Variants in HPSE2 observed in about 807,000 individuals in gnomAD.
HPSE2 encodes the protein inactive heparanase-2.
In HPSE2, 38 loss-of-function variants were observed where a neutral mutation model predicts 60.5. The ratio of observed to expected loss-of-function variants is 0.63; its 90% CI spans 0.48 to 0.82. The LOEUF is 0.82. Among genes scored for constraint, HPSE2 ranks in the 40% least tolerant of loss-of-function variants. The pLI is 0.00. For synonymous variants in HPSE2, 295 were observed against 293.2 expected, an observed-to-expected ratio of 1.01 and a Z score of -0.06; for missense variants, 713 against 740.4, an observed-to-expected ratio of 0.96 and a Z score of 0.43.
intron 3 of HPSE2, among the ~76,000 whole-genome samples, chr10:99,114,715 C>T (rs567782414): frequency 6.6e-6 from 1 of 151,940 alleles, no homozygotes; most frequent in African/African-American, 2.4e-5. Flanking sequence ...GACATCGAGA[C>T]CATCCTGGCT....
intron 5 of HPSE2, among the ~76,000 whole-genome samples, chr10:98,694,885 C>A (rs4244332): frequency 8.5e-5 from 13 of 152,118 alleles, no homozygotes; most frequent in Non-Finnish European, 1.6e-4. Flanking sequence ...TCAGTCCGGA[C>A]ACCCTGGTGG....
At chr10:98,875,585 A>C (rs1487348449) in intron 3 of HPSE2, among the ~76,000 whole-genome samples, 1 of 152,002 alleles carries the variant, frequency 6.6e-6, no homozygotes, top group Non-Finnish European at 1.5e-5. Context: ...TCACAGCTGA[A>C]TTCTACCAGA....
intron 3 of HPSE2, among the ~76,000 whole-genome samples, chr10:98,932,891 C>G (rs745573866): frequency 7.0e-6 from 1 of 143,358 alleles, no homozygotes; most frequent in Non-Finnish European, 1.5e-5. Context: ...GTCTTGCTAA[C>G]AGTCTATCTA....
At chr10:98,779,422 A>T (rs78670590) in intron 3 of HPSE2, among the ~76,000 whole-genome samples, 1,804 of 152,204 alleles carry the variant, frequency 0.012, 23 homozygotes, top group African/African-American at 0.041. Flanking sequence ...AACTCACTCA[A>T]TGTGAGCAGT....
chr10:98,771,130 G>A (rs1004340346), intron 3 of HPSE2, among the ~76,000 whole-genome samples: 3 of 152,138 alleles, frequency 2.0e-5, no homozygotes, highest in African/African-American at 7.2e-5. Context: ...GGCTAAATGG[G>A]AGAGCCAGAG....
At position 98,850,502 on chromosome 10, in the gene HPSE2, C is replaced by T. The variant is rs554721205; in HGVS notation, c.611-106446G>A. 3.9e-5 allele frequency among the ~76,000 whole-genome samples: 6 copies of T among 152,006 alleles called. No homozygotes were observed. The East Asian group carries it at 9.7e-4, about 25-fold the overall frequency. On this transcript the variant is annotated intron_variant, in intron 3 of 11. Coordinates refer to ENST00000370552, the MANE Select transcript of HPSE2 (RefSeq NM_021828.5). Reference sequence around the variant, plus strand: ...CTGTAATCCCAGCACTTTGGGAGGCCGAAGCGGGCAGATCACGAGGTTAGG... The same window carrying T: ...CTGTAATCCCAGCACTTTGGGAGGCTGAAGCGGGCAGATCACGAGGTTAGG...
rs868753858 is a variant in HPSE2 at position 98,467,959 on chromosome 10, G to A, written c.1614-8220C>T. On this transcript the variant is annotated intron_variant, in intron 11 of 11. Transcript: ENST00000370552. ...GGCAGGTGCGGGGTCTGCGGCGCCCGCCACGACTCGGCGCTGGGCTCTCCC... is the reference window on the plus strand; with the variant it reads ...GGCAGGTGCGGGGTCTGCGGCGCCCACCACGACTCGGCGCTGGGCTCTCCC... Among the ~76,000 whole-genome samples, 85 of 152,344 alleles carry A rather than the reference G, an allele frequency of 5.6e-4. 2 individuals carry two copies. Among genetic ancestry groups the A allele is most frequent in the Non-Finnish European group, 2.8e-4 (19 of 68,016 alleles).
chr10:98,562,750 T>A (rs1284589350), intron 9 of HPSE2, among the ~76,000 whole-genome samples: 1 of 151,880 alleles, frequency 6.6e-6, no homozygotes, highest in Non-Finnish European at 1.5e-5. Context: ...GCTGGTCTAC[T>A]CTTTTTATAC....
At chr10:98,671,182 T>C (rs1476005861) in intron 6 of HPSE2, among the ~76,000 whole-genome samples, 1 of 152,152 alleles carries the variant, frequency 6.6e-6, no homozygotes, top group African/African-American at 2.4e-5. Context: ...GGTGGTAGTG[T>C]AGAAGAAAGG....
At chr10:99,276,547 ATTATAT>A in the HPSE2 span, among the ~76,000 whole-genome samples, 1 of 152,102 alleles carries the variant, frequency 6.6e-6, no homozygotes, top group Non-Finnish European at 1.5e-5. Flanking sequence ...CCTCATACGA[ATTATAT>A]TTATAATGTT....
chr10:98,937,878 C>T (rs1345620188), intron 3 of HPSE2, among the ~76,000 whole-genome samples: 1 of 143,364 alleles, frequency 7.0e-6, no homozygotes, highest in Non-Finnish European at 1.5e-5. Flanking sequence ...CCCAGTACTC[C>T]TCTGAGACAA....
At chr10:99,093,053 C>T (rs1843573303) in intron 3 of HPSE2, among the ~76,000 whole-genome samples, 1 of 152,034 alleles carries the variant, frequency 6.6e-6, no homozygotes, top group Non-Finnish European at 1.5e-5. Context: ...CATAGTGAAA[C>T]CGCATCTCTA....
intron 3 of HPSE2, among the ~76,000 whole-genome samples, chr10:98,773,236 T>C (rs1950277260): frequency 6.6e-6 from 1 of 152,202 alleles, no homozygotes. Flanking sequence ...TCTCCTATAA[T>C]TTTTTAAATG....
chr10:98,742,879 G>A (rs1949533576), intron 4 of HPSE2, among the ~76,000 whole-genome samples: 1 of 151,594 alleles, frequency 6.6e-6, no homozygotes, highest in South Asian at 2.1e-4. Flanking sequence ...ATGAAACTAT[G>A]AGTCCCCTCG....
chr10:99,053,097 G>C (rs1035068946), intron 3 of HPSE2, among the ~76,000 whole-genome samples: 2 of 149,916 alleles, frequency 1.3e-5, no homozygotes, highest in Non-Finnish European at 3.0e-5. Context: ...ACTTAAAAAT[G>C]GTTATGATCA....
chr10:98,696,857 T>A (rs973010586), intron 5 of HPSE2, among the ~76,000 whole-genome samples: 6 of 152,148 alleles, frequency 3.9e-5, no homozygotes, highest in African/African-American at 1.4e-4. Context: ...GAGCCATGAA[T>A]AGGGCCTGAA....
intron 3 of HPSE2, among the ~76,000 whole-genome samples, chr10:99,043,239 C>T (rs979775405): frequency 6.6e-6 from 1 of 152,210 alleles, no homozygotes; most frequent in Non-Finnish European, 1.5e-5. Flanking sequence ...AATCCCAGCA[C>T]TTTGGGAGGC....
At chr10:99,153,074 T>C (rs1390574539) in intron 2 of HPSE2, among the ~76,000 whole-genome samples, 1 of 152,214 alleles carries the variant, frequency 6.6e-6, no homozygotes, top group Non-Finnish European at 1.5e-5. Flanking sequence ...CACGAGATTA[T>C]ATCCCGCACA....
At chr10:99,270,467 TA>T in the HPSE2 span, among the ~76,000 whole-genome samples, 4 of 152,184 alleles carry the variant, frequency 2.6e-5, no homozygotes, top group Middle Eastern at 3.4e-3. Context: ...AGCAGACCAA[TA>T]ACAAGCAGTG....
Sources: gnomAD v4.1 joint callset for allele counts (sites outside exome capture counted in the v4.1 genomes callset) on GRCh38, gnomAD v4.1.1 for gene constraint, MANE v1.5 for transcripts, NCBI Gene and HGNC (gene_info 2026-07-23, HGNC 2026-07-21) for gene names.